UNK: variants seen among roughly 807,000 people sequenced by gnomAD.
The protein encoded by UNK is unk zinc finger, also known as RING finger protein unkempt homolog.
A neutral mutation model predicts 97.6 loss-of-function variants in UNK; 32 were observed. That is an observed-to-expected ratio of 0.33 (90% CI 0.25 to 0.44). UNK has a LOEUF of 0.44. Among genes scored for constraint, UNK ranks in the 20% least tolerant of loss-of-function variants. UNK has a pLI of 1.00. For missense variants in UNK, 771 were observed against 1,098.4 expected (o/e 0.70, Z 4.21); for synonymous variants, 441 against 461.2 (o/e 0.96, Z 0.56).
intron 1 of UNK, among the ~76,000 whole-genome samples, chr17:75,802,240 G>GTTTTT (rs1197873975): frequency 1.2e-5 from 1 of 80,868 alleles, no homozygotes; most frequent in African/African-American, 4.7e-5. Context: ...CAGCACAGAT[G>GTTTTT]TCTTTTTTTT....
At chr17:75,821,364 C>G (rs747068963) in intron 13 of UNK, 21 of 456,350 alleles carry the variant, frequency 4.6e-5, no homozygotes, top group Non-Finnish European at 7.5e-5. Context: ...AGCAGAGGTG[C>G]CCAGCCATTG....
At chr17:75,805,810 A>ATTGTGTGTGTGTGTG (rs368975341) in intron 1 of UNK, among the ~76,000 whole-genome samples, 2 of 145,294 alleles carry the variant, frequency 1.4e-5, no homozygotes, top group East Asian at 4.1e-4. Context: ...AAAAAGAAAA[A>ATTGTGTGTGTGTGTG]TGTGTGTGTG....
rs1399994688 is a variant in UNK, at chr17:75,825,316, C to T, written c.*899C>T. ...CCCCAACCAGCTGCCCCCAGCTCTC[C>T]CTGCCCCCTCCCCTCTCTGGCAGCT... On this transcript the variant is annotated 3_prime_UTR_variant, in exon 16 of 16. Transcript: ENST00000589666. The surrounding 1 kb of genome is among the most constrained non-coding windows in gnomAD (Gnocchi z 4.4). The T allele has an allele frequency of 6.6e-6, 1 of 152,622 alleles. No individual in the cohort carries two copies. Among genetic ancestry groups the T allele is most frequent in the African/African-American group, 2.4e-5 (1 of 41,474 alleles). The allele number at this position is 152,622 out of a possible 1,614,324, so 9.5% of individuals were successfully genotyped here.
At chr17:75,787,082 C>T (rs1474365424) in intron 1 of UNK, among the ~76,000 whole-genome samples, 7 of 152,190 alleles carry the variant, frequency 4.6e-5, no homozygotes, top group Admixed American at 2.0e-4. Flanking sequence ...AATCAGTGGT[C>T]TTTCTTGCTA....
intron 1 of UNK, among the ~76,000 whole-genome samples, chr17:75,802,508 C>T (rs1047324196): frequency 1.3e-5 from 2 of 151,880 alleles, no homozygotes; most frequent in Non-Finnish European, 2.9e-5. Flanking sequence ...CTCCCACCTC[C>T]GCCTCCTGTG....
Position 75,816,863 on chromosome 17 carries a change from A to T in UNK, c.1055A>T (p.Asp352Val), listed in dbSNP as rs1461328163. The change falls in exon 8 of 16, where the codon GAC becomes GTC. Residue 352 changes from aspartate to valine, a missense_variant. Coordinates refer to ENST00000589666, the MANE Select transcript of UNK (RefSeq NM_001080419.3). This position sits in a 1 kb window ranked among gnomAD's most constrained non-coding sequence, Gnocchi z 4.0. ...PVLYMPSAAGDSVPVSPSSPH... is the reference protein window; with the variant it reads ...PVLYMPSAAGVSVPVSPSSPH... ...CTGTACATGCCATCTGCCGCCGGAG[A>T]CTCGGTGCCTGTGAGCCCCTCCAGC... The T allele has an allele frequency of 6.2e-7, 1 of 1,606,904 alleles. No individual in the cohort carries two copies. The highest frequency in any genetic ancestry group is 1.1e-5 in the South Asian group (1 of 90,682).
intron 1 of UNK, chr17:75,785,767 C>G (rs1167555033): frequency 1.3e-5 from 2 of 151,906 alleles, no homozygotes; most frequent in Non-Finnish European, 2.9e-5. Flanking sequence ...TTAAGCATTC[C>G]CTAGAGTTAG....
At chr17:75,798,443 G>C (rs886836160) in intron 1 of UNK, among the ~76,000 whole-genome samples, 1 of 152,084 alleles carries the variant, frequency 6.6e-6, no homozygotes, top group Non-Finnish European at 1.5e-5. Context: ...GACCTCAGGT[G>C]ATCTACCCAC....
At chr17:75,820,834 C>A (rs1347846431) in intron 13 of UNK, among the ~76,000 whole-genome samples, 3 of 152,142 alleles carry the variant, frequency 2.0e-5, no homozygotes, top group Admixed American at 6.5e-5. Context: ...GCTCCCTCCC[C>A]GAGAGTGCCA....
At chr17:75,785,839 A>G (rs1446334322) in intron 1 of UNK, 3 of 152,114 alleles carry the variant, frequency 2.0e-5, no homozygotes, top group East Asian at 3.8e-4. Context: ...GTTGCTTTCC[A>G]TTTTCCCTGA....
At chr17:75,815,063 A>C in intron 6 of UNK, 106 bp from the exon 7 acceptor site, 1 of 989,084 alleles carries the variant, frequency 1.0e-6, no homozygotes, top group South Asian at 1.5e-5. Flanking sequence ...GGCCGGGAAC[A>C]CAGGGCAAGA....
chr17:75,814,542 G>A (rs908480493), intron 6 of UNK, among the ~76,000 whole-genome samples: 2 of 145,918 alleles, frequency 1.4e-5, no homozygotes, highest in South Asian at 4.4e-4. Flanking sequence ...CCTTCCTGTT[G>A]CCCTGTCTCC....
At chr17:75,823,779 A>G (rs2062092401) in intron 15 of UNK, among the ~76,000 whole-genome samples, 1 of 152,108 alleles carries the variant, frequency 6.6e-6, no homozygotes, top group South Asian at 2.1e-4. Context: ...GCTTCTCACA[A>G]ATGCCTGGGC....
rs1244709630 is a variant in UNK at position 75,818,752 on chromosome 17, C to A, written c.1482C>A (p.Val494=). The part of the protein sequence containing the change: ...TPPSPVGTSS[V]PGMNANALPF... ...CTAGCCCAGTGGGCACCAGCAGCGT[C>A]CCCGGCATGAATGCAAACGCTCTGC... is the stretch of plus-strand genomic sequence containing the variant. The change falls in exon 11 of 16, where the codon GTC becomes GTA. Residue 494 remains valine (V), a synonymous_variant. Coordinates refer to ENST00000589666, the MANE Select transcript of UNK (RefSeq NM_001080419.3). This position sits in a 1 kb window ranked among gnomAD's most constrained non-coding sequence, Gnocchi z 5.1. The A allele has an allele frequency of 1.9e-6, 3 of 1,613,018 alleles. No individual in the cohort carries two copies. The highest frequency in any genetic ancestry group is 4.5e-5 in the East Asian group (2 of 44,832).
At chr17:75,806,544 C>T (rs2061919710) in intron 1 of UNK, among the ~76,000 whole-genome samples, 1 of 151,914 alleles carries the variant, frequency 6.6e-6, no homozygotes, top group African/African-American at 2.4e-5. Context: ...GAAGCCGAGG[C>T]GGGCGAATCA....
rs528481408 is a variant in UNK at position 75,816,329 on chromosome 17, C to T, written c.962-441C>T. 3.0e-3 allele frequency among the ~76,000 whole-genome samples: 462 copies of T among 152,306 alleles called. No homozygotes were observed. The highest frequency in any genetic ancestry group is 5.0e-3 in the Non-Finnish European group (341 of 68,028). ...GAGAATGGAAAATAAATCGAGGGCC[C>T]TGGGCGGGAGAAGCATATTCTTGAT... On this transcript the variant is annotated intron_variant, in intron 7 of 15. Transcript: ENST00000589666. This position sits in a 1 kb window ranked among gnomAD's most constrained non-coding sequence, Gnocchi z 4.0.
In UNK at chr17:75,824,502, ATG is replaced by A; in HGVS notation, c.*89_*90del. 1.1e-6 allele frequency: 1 copy of A among 895,010 alleles called. No homozygotes were observed. The highest frequency in any genetic ancestry group is 1.4e-6 in the Non-Finnish European group (1 of 701,158). The allele number at this position is 895,010 out of a possible 1,614,324, so 55.4% of individuals were successfully genotyped here. On this transcript the variant is annotated 3_prime_UTR_variant, in exon 16 of 16. Transcript: ENST00000589666. The surrounding 1 kb of genome is among the most constrained non-coding windows in gnomAD (Gnocchi z 4.9). ...TATATATATATGAATATATATATAT[ATG>A]TGTATGTATGTATGTATATGTATAT...
At chr17:75,821,488 A>T (rs1322618324) in intron 13 of UNK, 1 of 438,092 alleles carries the variant, frequency 2.3e-6, no homozygotes, top group African/African-American at 2.0e-5. Context: ...GGCTGGTCTC[A>T]TGTGGGTGGG....
chr17:75,803,127 G>A (rs915028562), intron 1 of UNK, among the ~76,000 whole-genome samples: 4 of 146,752 alleles, frequency 2.7e-5, no homozygotes, highest in Middle Eastern at 3.6e-3. Context: ...GGCCGGACGC[G>A]GTGGCTCACA....
Sources: gnomAD v4.1 joint callset for allele counts (sites outside exome capture counted in the v4.1 genomes callset) on GRCh38, gnomAD v4.1.1 for gene constraint, Gnocchi (gnomAD v3.1) non-coding constraint, MANE v1.5 for transcripts, NCBI Gene and HGNC (gene_info 2026-07-23, HGNC 2026-07-21) for gene names.